FHOD3: variants seen among roughly 807,000 people sequenced by gnomAD.
The protein encoded by FHOD3 is formin homology 2 domain containing 3.
Under a neutral mutation model 173.0 loss-of-function variants are expected in FHOD3, and 90 were observed. The ratio of observed to expected loss-of-function variants is 0.52; its 90% CI spans 0.44 to 0.62. The LOEUF (loss-of-function observed/expected upper bound fraction) is 0.62. Among genes scored for constraint, FHOD3 ranks in the 20% least tolerant of loss-of-function variants. The pLI is 0.00. For missense variants in FHOD3, 1,945 were observed against 2,034.7 expected (o/e 0.96, Z 0.85); for synonymous variants, 828 against 823.0 (o/e 1.01, Z -0.10).
At chr18:36,414,411 A>G (rs1469900709) in intron 3 of FHOD3, among the ~76,000 whole-genome samples, 3 of 152,220 alleles carry the variant, frequency 2.0e-5, no homozygotes, top group Non-Finnish European at 4.4e-5. Flanking sequence ...TGCATAAAGG[A>G]CACGTAAGGG....
intron 6 of FHOD3, among the ~76,000 whole-genome samples, chr18:36,587,958 G>A (rs1211454018): frequency 6.6e-6 from 1 of 152,196 alleles, no homozygotes; most frequent in Non-Finnish European, 1.5e-5. Context: ...TCATAAGCAG[G>A]TTGGCCATCA....
At chr18:36,458,918 A>G (rs2052387802) in intron 3 of FHOD3, among the ~76,000 whole-genome samples, 1 of 152,058 alleles carries the variant, frequency 6.6e-6, no homozygotes, top group Non-Finnish European at 1.5e-5. Flanking sequence ...ACATTTTTTC[A>G]GACACTGCTG....
chr18:36,535,377 C>G (rs987325459), intron 5 of FHOD3, among the ~76,000 whole-genome samples: 3 of 152,180 alleles, frequency 2.0e-5, no homozygotes, highest in African/African-American at 7.2e-5. Context: ...ATCCCTTTCC[C>G]TGGTTCCTAG....
At chr18:36,740,259 T>C (rs1253629678) in intron 20 of FHOD3, among the ~76,000 whole-genome samples, 1 of 152,240 alleles carries the variant, frequency 6.6e-6, no homozygotes, top group Admixed American at 6.5e-5. Context: ...TTAAAATGAT[T>C]ATATGTCACA....
intron 2 of FHOD3, among the ~76,000 whole-genome samples, chr18:36,371,588 T>A (rs373882570): frequency 3.3e-5 from 5 of 152,200 alleles, no homozygotes; most frequent in Admixed American, 6.5e-5. Flanking sequence ...CACAACCAAA[T>A]CATATCAGAA....
chr18:36,529,710 G>A (rs1480292579), intron 5 of FHOD3, among the ~76,000 whole-genome samples: 1 of 152,152 alleles, frequency 6.6e-6, no homozygotes, highest in East Asian at 1.9e-4. Flanking sequence ...TGAGGCAAGA[G>A]AATCGCTTGA....
chr18:36,416,268 C>T (rs939946457), intron 3 of FHOD3, among the ~76,000 whole-genome samples: 15 of 152,204 alleles, frequency 9.9e-5, no homozygotes, highest in East Asian at 3.9e-4. Flanking sequence ...CTCTTGACCT[C>T]GTGATCCGCC....
intron 5 of FHOD3, among the ~76,000 whole-genome samples, chr18:36,530,993 C>T (rs73423296): frequency 6.6e-6 from 1 of 152,152 alleles, no homozygotes; most frequent in Admixed American, 6.5e-5. Context: ...AAGGGTCTTG[C>T]CTCTGTGACC....
intron 5 of FHOD3, among the ~76,000 whole-genome samples, chr18:36,561,339 G>A (rs192398726): frequency 6.6e-5 from 10 of 152,238 alleles, no homozygotes; most frequent in African/African-American, 9.6e-5. Context: ...GATGGGTGGC[G>A]GTGAGGTCTG....
chr18:36,477,480 C>A (rs920271975), intron 3 of FHOD3, among the ~76,000 whole-genome samples: 1 of 148,614 alleles, frequency 6.7e-6, no homozygotes, highest in South Asian at 2.1e-4. Context: ...TAAATCCACT[C>A]ACCCACCCAT....
chr18:36,604,491 T>C (rs555871838), intron 8 of FHOD3, among the ~76,000 whole-genome samples: 1 of 152,252 alleles, frequency 6.6e-6, no homozygotes, highest in East Asian at 1.9e-4. Flanking sequence ...CCTCAGTGTA[T>C]AGAACAACTC....
At chr18:36,356,058 C>G (rs1466109956) in intron 2 of FHOD3, among the ~76,000 whole-genome samples, 1 of 152,174 alleles carries the variant, frequency 6.6e-6, no homozygotes, top group Non-Finnish European at 1.5e-5. Context: ...GATTGTGCCA[C>G]TGCACTCCAG....
chr18:36,694,038 T>C (rs1055846984), intron 17 of FHOD3, among the ~76,000 whole-genome samples: 8 of 152,218 alleles, frequency 5.3e-5, no homozygotes, highest in Non-Finnish European at 7.3e-5. Flanking sequence ...GCGATGATAT[T>C]GTACACTGCA....
intron 10 of FHOD3, among the ~76,000 whole-genome samples, chr18:36,641,017 T>C (rs997561330): frequency 1.3e-5 from 2 of 152,168 alleles, no homozygotes; most frequent in Non-Finnish European, 2.9e-5. Context: ...CTCTGCAACA[T>C]GGGGAGATCT....
In FHOD3 at chr18:36,454,008, G is replaced by A. The variant is rs140485684; in HGVS notation, c.338-47924G>A. 1.8e-3 allele frequency among the ~76,000 whole-genome samples: 277 copies of A among 152,274 alleles called. 1 individual carries two copies. The highest frequency in any genetic ancestry group is 6.2e-3 in the African/African-American group (258 of 41,524). On this transcript the variant is annotated intron_variant, in intron 3 of 28. Transcript: ENST00000590592. ...TATTTAAAATAAAAAAATTATTGTG[G>A]TTGAATTCCAAGATGGCGCTCTTTC...
chr18:36,404,437 C>T (rs935797663), intron 3 of FHOD3, among the ~76,000 whole-genome samples: 2 of 152,226 alleles, frequency 1.3e-5, no homozygotes, highest in African/African-American at 4.8e-5. Context: ...GTGTGAAAGA[C>T]TTGGCCCAGC....
intron 5 of FHOD3, among the ~76,000 whole-genome samples, chr18:36,535,367 A>T (rs1858940030): frequency 5.3e-5 from 8 of 152,294 alleles, no homozygotes; most frequent in Admixed American, 4.6e-4. Context: ...CAAAGCTTCC[A>T]TCCCTTTCCC....
chr18:36,301,393 T>G (rs1273358818), intron 1 of FHOD3, among the ~76,000 whole-genome samples: 1 of 152,260 alleles, frequency 6.6e-6, no homozygotes, highest in Non-Finnish European at 1.5e-5. Flanking sequence ...TTATTATGCT[T>G]TATCATTTTT....
chr18:36,545,187 G>A (rs187868372), intron 5 of FHOD3, among the ~76,000 whole-genome samples: 173 of 152,154 alleles, frequency 1.1e-3, no homozygotes, highest in East Asian at 3.3e-3. Context: ...TTTGTGCCCC[G>A]TGTGCCAGGA....
Sources: allele counts gnomAD v4.1 joint callset (sites outside exome capture counted in the v4.1 genomes callset), GRCh38; gene constraint gnomAD v4.1.1; transcripts MANE v1.5; gene names NCBI Gene and HGNC (gene_info 2026-07-23, HGNC 2026-07-21).